The following SLC17A6 variants were observed in gnomAD, a reference collection of about 807,000 sequenced individuals.
SLC17A6 encodes the protein vesicular glutamate transporter 2.
In SLC17A6, 35 loss-of-function variants were observed where a neutral mutation model predicts 67.1. The observed-to-expected ratio is 0.52, with a 90% CI of 0.40 to 0.69. The LOEUF is 0.69. Among genes scored for constraint, SLC17A6 ranks in the 30% least tolerant of loss-of-function variants. The pLI is 0.00. For missense variants in SLC17A6, 588 were observed against 723.9 expected (o/e 0.81, Z 2.15); for synonymous variants, 285 against 252.3 (o/e 1.13, Z -1.23).
At chr11:22,369,978 T>A (rs1331807026) in intron 7 of SLC17A6, 61 bp from the exon 8 acceptor site, 1 of 1,519,606 alleles carries the variant, frequency 6.6e-7, no homozygotes, top group Non-Finnish European at 8.9e-7. Context: ...GCACCTATTA[T>A]TCCCACTTAG....
At position 22,338,545 on chromosome 11, in the gene SLC17A6, A is replaced by G; in HGVS notation, c.12A>G (p.Val4=). MES[V]KQRILAPGKE... ...CAGTCTTTGCAAGAATGGAATCCGT[A>G]AAACAAAGGATTTTGGCCCCAGGAA... is the stretch of plus-strand genomic sequence containing the variant. The change falls in exon 1 of 12, where the codon GTA becomes GTG. Residue 4 remains valine (V), a synonymous_variant. Transcript: ENST00000263160. 1 of 1,613,118 alleles carries G rather than the reference A, an allele frequency of 6.2e-7. No individual in the cohort carries two copies. The highest frequency in any genetic ancestry group is 2.2e-5 in the East Asian group (1 of 44,876).
intron 3 of SLC17A6, among the ~76,000 whole-genome samples, chr11:22,344,469 G>T (rs938104027): frequency 6.6e-6 from 1 of 152,092 alleles, no homozygotes; most frequent in Non-Finnish European, 1.5e-5. Flanking sequence ...AGTCCTCAGG[G>T]CCTGGGGAGG....
chr11:22,345,357 G>C (rs1447635221), intron 3 of SLC17A6, among the ~76,000 whole-genome samples: 2 of 150,928 alleles, frequency 1.3e-5, no homozygotes, highest in Admixed American at 6.6e-5. Context: ...CTGTCACCAG[G>C]CTGAAGTGCA....
At chr11:22,373,704 T>G (rs934830758) in intron 8 of SLC17A6, among the ~76,000 whole-genome samples, 4 of 152,202 alleles carry the variant, frequency 2.6e-5, no homozygotes, top group African/African-American at 7.2e-5. Flanking sequence ...CTCTAAATTT[T>G]TTTTATTTAA....
At chr11:22,373,435 C>T (rs1471203342) in intron 8 of SLC17A6, among the ~76,000 whole-genome samples, 1 of 151,984 alleles carries the variant, frequency 6.6e-6, no homozygotes, top group Non-Finnish European at 1.5e-5. Context: ...GTACTTTTCT[C>T]AGGATGCTAG....
chr11:22,373,821 T>C (rs1258389878), intron 8 of SLC17A6, among the ~76,000 whole-genome samples: 2 of 152,136 alleles, frequency 1.3e-5, no homozygotes, highest in Non-Finnish European at 2.9e-5. Flanking sequence ...TTATTACAAC[T>C]CAAATCCATG....
intron 7 of SLC17A6, among the ~76,000 whole-genome samples, chr11:22,367,246 A>C (rs1320406114): frequency 6.6e-6 from 1 of 152,024 alleles, no homozygotes; most frequent in Non-Finnish European, 1.5e-5. Flanking sequence ...CTTCATTTGT[A>C]AGAGAATGCC....
At chr11:22,363,255 G>C (rs1020058525) in intron 6 of SLC17A6, among the ~76,000 whole-genome samples, 4 of 151,528 alleles carry the variant, frequency 2.6e-5, no homozygotes, top group Admixed American at 1.3e-4. Flanking sequence ...GCTGAAAGGG[G>C]GTGGTGGTGC....
At position 22,376,540 on chromosome 11, in the gene SLC17A6, T is replaced by A; in HGVS notation, c.1286-5T>A. ...CCTGAGTCAAAACTTATGTGTGTATTTCAGGTTTCAATGTTAACCACTTGG... is the reference window on the plus strand; with the variant it reads ...CCTGAGTCAAAACTTATGTGTGTATATCAGGTTTCAATGTTAACCACTTGG... On this transcript the variant is annotated splice_region_variant and splice_polypyrimidine_tract_variant and intron_variant, in intron 10 of 11. Coordinates refer to ENST00000263160, the MANE Select transcript of SLC17A6 (RefSeq NM_020346.3). The A allele has an allele frequency of 6.2e-7, 1 of 1,613,842 alleles. No homozygotes were observed. Among genetic ancestry groups the A allele is most frequent in the Non-Finnish European group, 8.5e-7 (1 of 1,179,844 alleles).
intron 3 of SLC17A6, among the ~76,000 whole-genome samples, chr11:22,354,605 A>G (rs1475278915): frequency 6.6e-6 from 1 of 152,162 alleles, no homozygotes; most frequent in Admixed American, 6.5e-5. Flanking sequence ...TTCAAAGTTT[A>G]TGTTATTTTA....
intron 11 of SLC17A6, 116 bp from the exon 12 acceptor site, chr11:22,377,289 G>A (rs1268681269): frequency 1.2e-6 from 1 of 865,054 alleles, no homozygotes; most frequent in South Asian, 2.0e-5. Context: ...TCAGGATATG[G>A]ATTTTTCCCA....
At chr11:22,355,070 G>T (rs1590384546) in intron 3 of SLC17A6, among the ~76,000 whole-genome samples, 1 of 152,152 alleles carries the variant, frequency 6.6e-6, no homozygotes, top group African/African-American at 2.4e-5. Flanking sequence ...CTTAGAGTGT[G>T]CCAGCCATTC....
intron 3 of SLC17A6, among the ~76,000 whole-genome samples, chr11:22,353,560 A>G (rs1029107175): frequency 6.6e-6 from 1 of 152,202 alleles, no homozygotes; most frequent in African/African-American, 2.4e-5. Flanking sequence ...TTTAACTAAT[A>G]CTGTATCATG....
At position 22,376,653 on chromosome 11, in the gene SLC17A6, G is replaced by A. The variant is rs1385600767; in HGVS notation, c.1394G>A (p.Gly465Asp). The change falls in exon 11 of 12, where the codon GGT becomes GAT. Residue 465 changes from glycine to aspartate, a missense_variant. By Grantham distance (94) the Gly-to-Asp change is moderately conservative. Transcript: ENST00000263160. ...LSGMVCPIIV[G>D]AMTKNKSREE... The stretch of plus-strand genomic sequence containing the variant: ...GGAATGGTTTGTCCTATCATTGTTG[G>A]TGCAATGACAAAGAATAAGGTAAGA... The A allele has an allele frequency of 2.5e-6, 4 of 1,613,790 alleles. No individual in the cohort carries two copies. The highest frequency in any genetic ancestry group is 3.4e-6 in the Non-Finnish European group (4 of 1,179,800).
chr11:22,377,380 A>C, intron 11 of SLC17A6, 25 bp from the exon 12 acceptor site: 1 of 1,571,686 alleles, frequency 6.4e-7, no homozygotes, highest in Non-Finnish European at 8.6e-7. Flanking sequence ...GTCAGTTCTC[A>C]CAGTGCTGCT....
chr11:22,346,580 G>A (rs936120440), intron 3 of SLC17A6, among the ~76,000 whole-genome samples: 1 of 151,456 alleles, frequency 6.6e-6, no homozygotes, highest in African/African-American at 2.4e-5. Context: ...TAGGGTGGGG[G>A]GTCAAAGGAA....
rs1856259801 is a variant in SLC17A6 at position 22,378,595 on chromosome 11, T to C, written c.*855T>C. Reference sequence around the variant, plus strand: ...GATATATACACCACAAAGAATCTAATAAGAAATTTATTATGGAGATATAGC... The same window carrying C: ...GATATATACACCACAAAGAATCTAACAAGAAATTTATTATGGAGATATAGC... On this transcript the variant is annotated 3_prime_UTR_variant, in exon 12 of 12. Transcript: ENST00000263160. The C allele has an allele frequency of 6.6e-6, 1 of 152,460 alleles. No homozygotes were observed. The highest frequency in any genetic ancestry group is 1.9e-4 in the East Asian group (1 of 5,198). 9.4% of individuals were successfully genotyped at this position (152,460 alleles called of 1,614,324 possible). A position where few individuals can be genotyped will look rare whatever the true frequency, so the allele number is the denominator to read the frequency against.
intron 1 of SLC17A6, 64 bp from the exon 2 acceptor site, chr11:22,341,464 A>C: frequency 6.4e-7 from 1 of 1,567,524 alleles, no homozygotes; most frequent in Non-Finnish European, 8.6e-7. Flanking sequence ...AAAAATGGGA[A>C]TGGGTCAGCA....
At chr11:22,376,431 A>T in intron 10 of SLC17A6, 114 bp from the exon 11 acceptor site, 1 of 1,129,214 alleles carries the variant, frequency 8.9e-7, no homozygotes, top group South Asian at 1.5e-5. Flanking sequence ...CAAAGTAATT[A>T]AGCACGTGTT....
Sources: allele counts gnomAD v4.1 joint callset (sites outside exome capture counted in the v4.1 genomes callset), GRCh38; gene constraint gnomAD v4.1.1; transcripts MANE v1.5; gene names NCBI Gene and HGNC (gene_info 2026-07-23, HGNC 2026-07-21).